Variants in HDAC9 observed in about 807,000 individuals in gnomAD.
The protein encoded by HDAC9 is MEF-2 interacting transcription repressor (MITR) protein.
Under a neutral mutation model 139.4 loss-of-function variants are expected in HDAC9, and 41 were observed. The ratio of observed to expected loss-of-function variants is 0.29; its 90% CI spans 0.23 to 0.38. The LOEUF (loss-of-function observed/expected upper bound fraction) is 0.38. Ranked by LOEUF, HDAC9 falls within the 10% of genes least tolerant of loss-of-function variation. The pLI, the probability that HDAC9 is intolerant of heterozygous loss-of-function variation, is 1.00. For synonymous variants in HDAC9, 517 were observed against 476.2 expected, an observed-to-expected ratio of 1.09 and a Z score of -1.12; for missense variants, 1,147 against 1,297.0, an observed-to-expected ratio of 0.88 and a Z score of 1.78.
intron 24 of HDAC9, among the ~76,000 whole-genome samples, chr7:18,966,718 A>AG (rs1380196573): frequency 2.2e-5 from 1 of 46,294 alleles, no homozygotes; most frequent in African/African-American, 9.0e-5. Flanking sequence ...CAAACAGACC[A>AG]AAAAAAAGAT....
At chr7:18,187,563 C>A (rs977779251) in intron 2 of HDAC9, among the ~76,000 whole-genome samples, 4 of 152,194 alleles carry the variant, frequency 2.6e-5, no homozygotes, top group African/African-American at 9.7e-5. Flanking sequence ...CCCTCCACAT[C>A]AAATCTGTTC....
At chr7:18,141,617 T>C (rs1785902681) in intron 1 of HDAC9, among the ~76,000 whole-genome samples, 1 of 151,960 alleles carries the variant, frequency 6.6e-6, no homozygotes, top group African/African-American at 2.4e-5. Context: ...GCACTTGGAG[T>C]CCATTTGTAT....
chr7:18,262,818 ATAATAT>A (rs1392399129), intron 2 of HDAC9, among the ~76,000 whole-genome samples: 3 of 152,188 alleles, frequency 2.0e-5, no homozygotes, highest in Non-Finnish European at 4.4e-5. Context: ...ATAAATTGAG[ATAATAT>A]TAATCACCAG....
intron 25 of HDAC9, among the ~76,000 whole-genome samples, chr7:18,978,372 T>A (rs1784684980): frequency 6.6e-6 from 1 of 152,308 alleles, no homozygotes; most frequent in Admixed American, 6.5e-5. Flanking sequence ...ATTGTAAGTA[T>A]TTTTTGTTCG....
intron 1 of HDAC9, among the ~76,000 whole-genome samples, chr7:18,441,172 A>G (rs1162871630): frequency 1.3e-5 from 2 of 152,220 alleles, no homozygotes; most frequent in Non-Finnish European, 2.9e-5. Context: ...TGTATATCAA[A>G]GAACATGTCA....
intron 2 of HDAC9, among the ~76,000 whole-genome samples, chr7:18,251,936 C>A (rs1265851596): frequency 6.6e-6 from 1 of 152,096 alleles, no homozygotes; most frequent in African/African-American, 2.4e-5. Flanking sequence ...ATACGTATGT[C>A]CCCGAGAGTG....
At chr7:18,965,752 T>G (rs1437991928) in intron 24 of HDAC9, among the ~76,000 whole-genome samples, 1 of 152,226 alleles carries the variant, frequency 6.6e-6, no homozygotes, top group Non-Finnish European at 1.5e-5. Context: ...ATACTGCTCC[T>G]GGGGGACAAT....
chr7:18,357,401 C>T (rs17347208), intron 1 of HDAC9, among the ~76,000 whole-genome samples: 10,616 of 151,548 alleles, frequency 0.07, 554 homozygotes, highest in Non-Finnish European at 0.1. Context: ...CCTTTTTTTT[C>T]CTCAGTAAAC....
At chr7:18,381,826 T>G (rs943595169) in intron 1 of HDAC9, among the ~76,000 whole-genome samples, 1 of 152,188 alleles carries the variant, frequency 6.6e-6, no homozygotes, top group African/African-American at 2.4e-5. Context: ...ATATTTAACG[T>G]TACAAAATAT....
intron 13 of HDAC9, among the ~76,000 whole-genome samples, chr7:18,745,799 G>T (rs1787904309): frequency 6.6e-6 from 1 of 150,948 alleles, no homozygotes; most frequent in African/African-American, 2.4e-5. Flanking sequence ...ATCCGCCTCG[G>T]CCTCCCAAAG....
At chr7:18,213,344 A>G (rs965043454) in intron 2 of HDAC9, among the ~76,000 whole-genome samples, 5 of 152,112 alleles carry the variant, frequency 3.3e-5, no homozygotes, top group Non-Finnish European at 5.9e-5. Context: ...AGGATTTTTC[A>G]TATTTGAAAT....
At chr7:18,296,919 G>C (rs1238034301) in intron 1 of HDAC9, among the ~76,000 whole-genome samples, 1 of 152,190 alleles carries the variant, frequency 6.6e-6, no homozygotes, top group Non-Finnish European at 1.5e-5. Context: ...GAAGCACACA[G>C]GCTGAGACAG....
chr7:18,518,560 T>G (rs1803965006), intron 2 of HDAC9, among the ~76,000 whole-genome samples: 1 of 152,142 alleles, frequency 6.6e-6, no homozygotes, highest in Non-Finnish European at 1.5e-5. Context: ...TTAGACTACC[T>G]AAAGACTTAC....
intron 1 of HDAC9, among the ~76,000 whole-genome samples, chr7:18,437,074 C>T (rs1791271370): frequency 6.6e-6 from 1 of 152,122 alleles, no homozygotes; most frequent in South Asian, 2.1e-4. Context: ...AGTCCAGTAT[C>T]AGGTTTTCTG....
At chr7:18,673,312 T>G (rs1424187015) in intron 12 of HDAC9, among the ~76,000 whole-genome samples, 2 of 152,016 alleles carry the variant, frequency 1.3e-5, no homozygotes, top group Non-Finnish European at 2.9e-5. Flanking sequence ...GTTCATGTCT[T>G]AGCTTTGATC....
intron 25 of HDAC9, among the ~76,000 whole-genome samples, chr7:18,985,473 T>C (rs1290218071): frequency 6.6e-6 from 1 of 152,238 alleles, no homozygotes; most frequent in Non-Finnish European, 1.5e-5. Context: ...CTATCATTGT[T>C]GGACATTTGG....
At chr7:18,512,136 G>A (rs801768) in intron 2 of HDAC9, among the ~76,000 whole-genome samples, 11,931 of 151,704 alleles carry the variant, frequency 0.079, 1,268 homozygotes, top group African/African-American at 0.24. Flanking sequence ...AGTAAGTATT[G>A]TTGACCAAAA....
At chr7:18,232,517 C>T (rs528787562) in intron 2 of HDAC9, among the ~76,000 whole-genome samples, 26 of 152,114 alleles carry the variant, frequency 1.7e-4, no homozygotes, top group African/African-American at 2.2e-4. Flanking sequence ...TTTCACAGAG[C>T]GCCTCAAAAT....
chr7:18,595,550 C>T (rs1400803543), intron 6 of HDAC9, among the ~76,000 whole-genome samples: 1 of 151,822 alleles, frequency 6.6e-6, no homozygotes, highest in African/African-American at 2.4e-5. Context: ...CAGATACTAC[C>T]CCAGGTCTTA....
Sources: gnomAD v4.1 joint callset for allele counts (sites outside exome capture counted in the v4.1 genomes callset) on GRCh38, gnomAD v4.1.1 for gene constraint, MANE v1.5 for transcripts, NCBI Gene and HGNC (gene_info 2026-07-23, HGNC 2026-07-21) for gene names.